TSPAN7: variants seen among roughly 807,000 people sequenced by gnomAD.
TSPAN7 encodes the protein tetraspanin-7.
A neutral mutation model predicts 17.6 loss-of-function variants in TSPAN7; 1 was observed. That is an observed-to-expected ratio of 0.06 (90% confidence interval 0.02 to 0.27). The LOEUF (loss-of-function observed/expected upper bound fraction) is 0.27. TSPAN7 is among the 10% of genes least tolerant of loss of function. The pLI is 1.00. For synonymous variants in TSPAN7, 78 were observed against 79.0 expected, an observed-to-expected ratio of 0.99 and a Z score of 0.07; for missense variants, 112 against 201.7, an observed-to-expected ratio of 0.56 and a Z score of 2.69.
rs61207499 is a variant in TSPAN7, at chrX:38,565,261, G to T, written c.81+3634G>T. ...GTTTGTTTGTTCGAGGCAGAGTCTC[G>T]CTGTGTTGCCCAGGCTGGAGTGCAG... On this transcript the variant is annotated intron_variant, in intron 1 of 7. Transcript: ENST00000378482. 9.1e-3 allele frequency among the ~76,000 whole-genome samples: 1,021 copies of T among 111,799 alleles called. 9 individuals are homozygous for T. The highest frequency in any genetic ancestry group is 0.032 in the African/African-American group (984 of 30,744).
chrX:38,562,961 T>A lies in TSPAN7; in HGVS notation c.81+1334T>A, dbSNP rs6610152. On this transcript the variant is annotated intron_variant, in intron 1 of 7. Coordinates refer to ENST00000378482, the MANE Select transcript of TSPAN7 (RefSeq NM_004615.4). Reference sequence around the variant, plus strand: ...CACCCACCACCATATATTAGCCCTATTTTTGCTTTGAAACTGGAGCACAGT... The same window carrying A: ...CACCCACCACCATATATTAGCCCTAATTTTGCTTTGAAACTGGAGCACAGT... The A allele has an allele frequency of 0.032, 31,049 of 962,596 alleles. 2,646 individuals are homozygous for A. In the African/African-American group the frequency reaches 0.34, roughly 11 times the overall value. The allele number at this position is 962,596 out of a possible 1,213,427, so 79.3% of individuals were successfully genotyped here.
intron 1 of TSPAN7, among the ~76,000 whole-genome samples, chrX:38,640,834 A>G (rs146342695): frequency 0.017 from 1,878 of 112,276 alleles, 20 homozygotes; most frequent in Non-Finnish European, 0.025. Flanking sequence ...ACATCTTCCT[A>G]AGAGCTGAGG....
chrX:38,640,214 C>G (rs182374229), intron 1 of TSPAN7, among the ~76,000 whole-genome samples: 1 of 111,268 alleles, frequency 9.0e-6, no homozygotes, highest in Non-Finnish European at 1.9e-5. Flanking sequence ...GTTTAGGGTG[C>G]CTTTCTTTTA....
intron 1 of TSPAN7, among the ~76,000 whole-genome samples, chrX:38,600,713 T>G (rs1458473835): frequency 8.9e-6 from 1 of 112,116 alleles, no homozygotes; most frequent in Non-Finnish European, 1.9e-5. Flanking sequence ...ACTTATTGCT[T>G]GATTGAATTT....
chrX:38,594,955 C>T (rs1373113226), intron 1 of TSPAN7, among the ~76,000 whole-genome samples: 1 of 111,365 alleles, frequency 9.0e-6, no homozygotes, highest in African/African-American at 3.3e-5. Context: ...TAGAGATCTT[C>T]CTCTTCCTTT....
intron 1 of TSPAN7, among the ~76,000 whole-genome samples, chrX:38,584,249 G>A (rs780180414): frequency 1.0e-3 from 114 of 110,810 alleles, no homozygotes; most frequent in Non-Finnish European, 1.6e-3. Flanking sequence ...CACAGCGCCT[G>A]GCAAACCTGA....
At chrX:38,588,973 G>A in intron 1 of TSPAN7, among the ~76,000 whole-genome samples, 1 of 111,819 alleles carries the variant, frequency 8.9e-6, no homozygotes, top group Non-Finnish European at 1.9e-5. Flanking sequence ...CTTCTTCACT[G>A]CGTACTCTTC....
At chrX:38,588,833 G>A (rs1321568292) in intron 1 of TSPAN7, among the ~76,000 whole-genome samples, 1 of 111,627 alleles carries the variant, frequency 9.0e-6, no homozygotes, top group Non-Finnish European at 1.9e-5. Context: ...TTATCCTGAA[G>A]TGCTATTTTG....
chrX:38,577,689 G>A (rs1180829701), intron 1 of TSPAN7, among the ~76,000 whole-genome samples: 1 of 103,382 alleles, frequency 9.7e-6, no homozygotes, highest in African/African-American at 3.5e-5. Context: ...GGGAGGGATA[G>A]CATTAGGAGA....
chrX:38,688,152 G>T lies in TSPAN7; in HGVS notation c.*221G>T, dbSNP rs975699440. The T allele has an allele frequency of 8.8e-6, 1 of 113,637 alleles. No individual in the cohort carries two copies. Among genetic ancestry groups the T allele is most frequent in the Non-Finnish European group, 1.9e-5 (1 of 53,849 alleles). 9.4% of individuals were successfully genotyped at this position (113,637 alleles called of 1,213,427 possible). On this transcript the variant is annotated 3_prime_UTR_variant, in exon 8 of 8. Coordinates refer to ENST00000378482, the MANE Select transcript of TSPAN7 (RefSeq NM_004615.4). ...AGTGTCCATTTTGTGAAGCCCTGTT[G>T]TGCCACAGAGTGTAGCCAGGTCCCC...
intron 1 of TSPAN7, 22 bp downstream of exon 1, chrX:38,561,649 G>C (rs1405366578): frequency 1.7e-6 from 2 of 1,171,213 alleles, no homozygotes; most frequent in South Asian, 1.8e-5. Flanking sequence ...CGCCGGGCCG[G>C]TGGCCGAGTC....
chrX:38,584,997 C>T (rs867932482), intron 1 of TSPAN7, among the ~76,000 whole-genome samples: 2 of 111,931 alleles, frequency 1.8e-5, no homozygotes, highest in South Asian at 3.7e-4. Context: ...TTTCACTTAA[C>T]GTTGTTTGAG....
intron 5 of TSPAN7, among the ~76,000 whole-genome samples, 184 bp from the exon 6 acceptor site, chrX:38,681,020 G>A (rs1019308715): frequency 8.9e-6 from 1 of 111,985 alleles, no homozygotes; most frequent in Non-Finnish European, 1.9e-5. Flanking sequence ...GTATTTTTGT[G>A]TATGTTTGAA....
At chrX:38,642,202 G>A (rs959213579) in intron 1 of TSPAN7, among the ~76,000 whole-genome samples, 2 of 111,892 alleles carry the variant, frequency 1.8e-5, no homozygotes, top group African/African-American at 6.5e-5. Flanking sequence ...ATTAAATTGA[G>A]CAGCTGTGGC....
intron 6 of TSPAN7, among the ~76,000 whole-genome samples, chrX:38,682,140 G>A (rs1235693985): frequency 1.8e-5 from 2 of 112,238 alleles, no homozygotes; most frequent in East Asian, 2.8e-4. Context: ...AACAAAGCTC[G>A]ATTAATGTTG....
chrX:38,622,105 C>T (rs765747490), intron 1 of TSPAN7, among the ~76,000 whole-genome samples: 26 of 112,622 alleles, frequency 2.3e-4, no homozygotes, highest in Admixed American at 8.4e-4. Context: ...CAAGTTGCCA[C>T]GCCTTGGCCA....
intron 2 of TSPAN7, among the ~76,000 whole-genome samples, chrX:38,668,957 CAG>C (rs1268168409): frequency 1.9e-5 from 2 of 108,102 alleles, no homozygotes; most frequent in East Asian, 5.8e-4. Flanking sequence ...TGTCTAGAGA[CAG>C]GGGAGGAGGG....
chrX:38,648,548 C>T (rs1056977892), intron 1 of TSPAN7, among the ~76,000 whole-genome samples: 2 of 112,130 alleles, frequency 1.8e-5, no homozygotes, highest in African/African-American at 6.5e-5. Flanking sequence ...CTCCTGGGCT[C>T]AAGTGATTCT....
intron 1 of TSPAN7, among the ~76,000 whole-genome samples, chrX:38,587,039 G>C (rs1471765143): frequency 8.9e-6 from 1 of 112,255 alleles, no homozygotes; most frequent in Non-Finnish European, 1.9e-5. Context: ...TCCCCACAGG[G>C]GATATTTGAC....
Sources: gnomAD v4.1 joint callset for allele counts (sites outside exome capture counted in the v4.1 genomes callset) on GRCh38, gnomAD v4.1.1 for gene constraint, MANE v1.5 for transcripts, NCBI Gene and HGNC (gene_info 2026-07-23, HGNC 2026-07-21) for gene names.